The following CCM2 variants were observed in gnomAD, a reference collection of about 807,000 sequenced individuals.
The protein encoded by CCM2 is cerebral cavernous malformations 2 protein.
A neutral mutation model predicts 44.9 loss-of-function variants in CCM2; 25 were observed. The observed-to-expected ratio is 0.56, with a 90% CI of 0.41 to 0.78. CCM2 has a LOEUF of 0.78. Among genes scored for constraint, CCM2 ranks in the 30% least tolerant of loss-of-function variants. The pLI, the probability that CCM2 is intolerant of heterozygous loss-of-function variation, is 0.00. For missense variants in CCM2, 481 were observed against 580.6 expected, an observed-to-expected ratio of 0.83 and a Z score of 1.76; for synonymous variants, 219 against 241.1, an observed-to-expected ratio of 0.91 and a Z score of 0.85.
chr7:45,020,857 A>T (rs967156101), intron 1 of CCM2, among the ~76,000 whole-genome samples: 18 of 36,568 alleles, frequency 4.9e-4, no homozygotes, highest in East Asian at 1.1e-3. Context: ...AACAACTGTT[A>T]TTAGTCTTTC....
At chr7:45,060,269 A>G (rs1798460356) in intron 2 of CCM2, among the ~76,000 whole-genome samples, 1 of 152,216 alleles carries the variant, frequency 6.6e-6, no homozygotes, top group Non-Finnish European at 1.5e-5. Flanking sequence ...TGGTTCCTGA[A>G]GAGAAATCCA....
chr7:45,058,651 A>C (rs755249324), intron 2 of CCM2, among the ~76,000 whole-genome samples: 16 of 151,984 alleles, frequency 1.1e-4, no homozygotes, highest in Non-Finnish European at 1.9e-4. Flanking sequence ...TAGTTCAGGA[A>C]GTCTCTATTC....
chr7:45,066,901 ATTT>A (rs34087646), intron 4 of CCM2, among the ~76,000 whole-genome samples: 1 of 143,692 alleles, frequency 7.0e-6, no homozygotes. Flanking sequence ...AAACCAGTAA[ATTT>A]TTTTTTTTTT....
chr7:45,005,743 C>G (rs1428469512), intron 1 of CCM2, among the ~76,000 whole-genome samples: 1 of 152,152 alleles, frequency 6.6e-6, no homozygotes. Context: ...GAAAGTAGGT[C>G]ACTTACACCT....
At chr7:45,002,761 T>C (rs1295150016) in intron 1 of CCM2, among the ~76,000 whole-genome samples, 5 of 152,202 alleles carry the variant, frequency 3.3e-5, no homozygotes, top group East Asian at 1.9e-4. Context: ...GTTTAACAAA[T>C]GTCTGTTGAG....
intron 6 of CCM2, chr7:45,071,778 A>G: frequency 2.2e-6 from 1 of 456,662 alleles, no homozygotes; most frequent in Non-Finnish European, 4.4e-6. Flanking sequence ...CCACAGTCAC[A>G]TCTTCCTTTG....
At chr7:45,001,293 C>A (rs1583822226) in intron 1 of CCM2, among the ~76,000 whole-genome samples, 1 of 152,202 alleles carries the variant, frequency 6.6e-6, no homozygotes, top group Admixed American at 6.5e-5. Flanking sequence ...GGTGCTGGTT[C>A]TCTACTTTCT....
chr7:45,036,480 C>A (rs777381363), intron 1 of CCM2, among the ~76,000 whole-genome samples: 9 of 152,152 alleles, frequency 5.9e-5, no homozygotes, highest in Non-Finnish European at 1.3e-4. Context: ...ACTTTTCCCG[C>A]TAATGCTGGA....
intron 1 of CCM2, among the ~76,000 whole-genome samples, chr7:45,031,554 T>G (rs562166491): frequency 6.6e-6 from 1 of 152,062 alleles, no homozygotes; most frequent in South Asian, 2.1e-4. Flanking sequence ...TTTTTCTTTT[T>G]AATTAATAAT....
chr7:45,028,982 C>T (rs1165348008), intron 1 of CCM2, among the ~76,000 whole-genome samples: 2 of 152,140 alleles, frequency 1.3e-5, no homozygotes, highest in Non-Finnish European at 2.9e-5. Flanking sequence ...GCAGGTGTCT[C>T]TCTGGGACTA....
Position 45,019,628 on chromosome 7 carries a change from GT to G in CCM2, c.31-18623del, listed in dbSNP as rs1300308877. Among the ~76,000 whole-genome samples the G allele has an allele frequency of 6.6e-5, 10 of 152,168 alleles. No individual in the cohort carries two copies. In the East Asian group the frequency reaches 1.9e-3, roughly 29 times the overall value. ...AGACGGATCTTGCTCTGTTACCCAGGTTAGAGTGCAATGGTGTGATCATAGT... is the reference window on the plus strand; with the variant it reads ...AGACGGATCTTGCTCTGTTACCCAGGTAGAGTGCAATGGTGTGATCATAGT... On this transcript the variant is annotated intron_variant, in intron 1 of 9. Coordinates refer to ENST00000258781, the MANE Select transcript of CCM2 (RefSeq NM_031443.4).
chr7:45,021,264 T>TA (rs1028920363), intron 1 of CCM2, among the ~76,000 whole-genome samples: 7 of 150,716 alleles, frequency 4.6e-5, no homozygotes, highest in African/African-American at 7.3e-5. Context: ...CTCTAAAAAA[T>TA]AAAAAAAATA....
rs34095527 is a variant in CCM2, at chr7:45,022,290, C to CTT, written c.31-15935_31-15934dup. Among the ~76,000 whole-genome samples, 249 of 45,450 alleles carry CTT rather than the reference C, an allele frequency of 5.5e-3. 43 individuals are homozygous for CTT. Among genetic ancestry groups the CTT allele is most frequent in the African/African-American group, 0.019 (209 of 11,176 alleles). The allele number at this position is 45,450 out of a possible 152,430, so 29.8% of individuals were successfully genotyped here. A position where few individuals can be genotyped will look rare whatever the true frequency, so the allele number is the denominator to read the frequency against. Reference sequence around the variant, plus strand: ...GGATCATTATTTTTTTTTGGACCAGCTTTTTTTTTTTTTTTTTTTTTTTTT... The same window carrying CTT: ...GGATCATTATTTTTTTTTGGACCAGCTTTTTTTTTTTTTTTTTTTTTTTTTTT... On this transcript the variant is annotated intron_variant, in intron 1 of 9. Coordinates refer to ENST00000258781, the MANE Select transcript of CCM2 (RefSeq NM_031443.4).
Position 45,058,417 on chromosome 7 carries a change from C to T in CCM2, c.205-5501C>T, listed in dbSNP as rs1583954509. ...ATGTGCCATGTTGGTGTGCTGCACC[C>T]ATTAACTCATCATTTAGCATTAGGT... On this transcript the variant is annotated intron_variant, in intron 2 of 9. Transcript: ENST00000258781. 2.0e-5 allele frequency among the ~76,000 whole-genome samples: 3 copies of T among 151,722 alleles called. No homozygotes were observed. The South Asian group carries it at 6.2e-4, about 32-fold the overall frequency.
intron 1 of CCM2, among the ~76,000 whole-genome samples, chr7:45,006,595 C>CGGCCT (rs1562854206): frequency 6.6e-6 from 1 of 152,124 alleles, no homozygotes; most frequent in Admixed American, 6.5e-5. Flanking sequence ...CCACCCACCT[C>CGGCCT]GGCCTCCCAA....
chr7:45,047,180 C>T (rs1797798178), intron 2 of CCM2, among the ~76,000 whole-genome samples: 1 of 152,200 alleles, frequency 6.6e-6, no homozygotes. Context: ...TCTCCACGTG[C>T]AACTACGAAC....
chr7:45,071,465 G>A (rs1054920485), intron 6 of CCM2: 5 of 265,330 alleles, frequency 1.9e-5, no homozygotes, highest in African/African-American at 2.3e-5. Context: ...ATGTGCACAC[G>A]TTACGCACAT....
At chr7:45,061,324 G>A (rs1273843296) in intron 2 of CCM2, among the ~76,000 whole-genome samples, 1 of 152,152 alleles carries the variant, frequency 6.6e-6, no homozygotes, top group Non-Finnish European at 1.5e-5. Context: ...AGACATAAAC[G>A]ATAGAGGAGG....
At position 45,037,207 on chromosome 7, in the gene CCM2, A is replaced by T. The variant is rs141939346; in HGVS notation, c.31-1046A>T. Among the ~76,000 whole-genome samples, 522 of 138,730 alleles carry T rather than the reference A, an allele frequency of 3.8e-3. 4 individuals carry two copies. The highest frequency in any genetic ancestry group is 0.013 in the African/African-American group (494 of 36,930). The allele number at this position is 138,730 out of a possible 152,430, so 91.0% of individuals were successfully genotyped here. ...AAAGGTGGTGATGAAAAGCTTTCTT[A>T]CGGAGTTATTGTGAATGAAGTGTCA... is the stretch of plus-strand genomic sequence containing the variant. On this transcript the variant is annotated intron_variant, in intron 1 of 9. Coordinates refer to ENST00000258781, the MANE Select transcript of CCM2 (RefSeq NM_031443.4).
Sources: allele counts gnomAD v4.1 joint callset (sites outside exome capture counted in the v4.1 genomes callset), GRCh38; gene constraint gnomAD v4.1.1; transcripts MANE v1.5; gene names NCBI Gene and HGNC (gene_info 2026-07-23, HGNC 2026-07-21).